The following NALF1 variants were observed in gnomAD, a reference collection of about 807,000 sequenced individuals.
NALF1 encodes NALCN channel auxiliary factor 1.
A neutral mutation model predicts 48.4 loss-of-function variants in NALF1; 3 were observed. That is an observed-to-expected ratio of 0.06 (90% confidence interval 0.03 to 0.16). The LOEUF is 0.16. Ranked by LOEUF, NALF1 falls within the 10% of genes least tolerant of loss-of-function variation. The probability of loss-of-function intolerance (pLI) is 1.00; values close to 1 mark genes in which losing one functional copy is unlikely to be tolerated. For synonymous variants in NALF1, 262 were observed against 245.7 expected, an observed-to-expected ratio of 1.07 and a Z score of -0.62; for missense variants, 526 against 571.5, an observed-to-expected ratio of 0.92 and a Z score of 0.81.
At chr13:107,492,293 C>A (rs1216910547) in intron 1 of NALF1, among the ~76,000 whole-genome samples, 1 of 151,976 alleles carries the variant, frequency 6.6e-6, no homozygotes, top group African/African-American at 2.4e-5. Flanking sequence ...AGGTGATCAG[C>A]CCGCTTCGGC....
intron 1 of NALF1, among the ~76,000 whole-genome samples, chr13:107,558,904 G>A (rs1300506957): frequency 6.6e-6 from 1 of 152,154 alleles, no homozygotes; most frequent in East Asian, 1.9e-4. Context: ...AATGCTCCCA[G>A]TTCTTAGACT....
In NALF1 at chr13:107,563,761, T is replaced by C. The variant is rs9555372; in HGVS notation, c.915+301921A>G. On this transcript the variant is annotated intron_variant, in intron 1 of 2. Transcript: ENST00000375915. ...TCACTGGCAGCAGCACCAGCTGTTATGTAATTTTGTTATAAAGCTATTTCC... is the reference window on the plus strand; with the variant it reads ...TCACTGGCAGCAGCACCAGCTGTTACGTAATTTTGTTATAAAGCTATTTCC... Among the ~76,000 whole-genome samples, 3,793 of 152,322 alleles carry C rather than the reference T, an allele frequency of 0.025. 400 individuals carry two copies. In the East Asian group the frequency reaches 0.37, roughly 15 times the overall value.
chr13:107,218,284 T>C (rs1218200094), intron 1 of NALF1, among the ~76,000 whole-genome samples: 2 of 152,234 alleles, frequency 1.3e-5, no homozygotes, highest in Non-Finnish European at 2.9e-5. Context: ...GTACATGTGA[T>C]GCTGTCTTCT....
Position 107,853,664 on chromosome 13 carries a change from C to A in NALF1, c.915+12018G>T, listed in dbSNP as rs188963719. The stretch of plus-strand genomic sequence containing the variant: ...AAAATTTAAACTAATAAATTTAATT[C>A]TAAATGTACAATTAAGGATTTAAGA... On this transcript the variant is annotated intron_variant, in intron 1 of 2. Coordinates refer to ENST00000375915, the MANE Select transcript of NALF1 (RefSeq NM_001080396.3). Among the ~76,000 whole-genome samples, 15 of 152,232 alleles carry A rather than the reference C, an allele frequency of 9.9e-5. No homozygotes were observed. In the East Asian group the frequency reaches 2.9e-3, roughly 29 times the overall value.
intron 1 of NALF1, among the ~76,000 whole-genome samples, chr13:107,660,436 A>C (rs867614647): frequency 0.019 from 1,768 of 93,664 alleles, 13 homozygotes; most frequent in South Asian, 0.029. Context: ...CTGTCTCAAA[A>C]ACACACACAC....
intron 2 of NALF1, among the ~76,000 whole-genome samples, chr13:107,180,749 A>G (rs1358228648): frequency 2.0e-5 from 3 of 151,732 alleles, no homozygotes; most frequent in African/African-American, 7.2e-5. Flanking sequence ...TACATCTGGC[A>G]TGTTTATTAT....
intron 1 of NALF1, among the ~76,000 whole-genome samples, chr13:107,340,471 C>T (rs143719557): frequency 0.29 from 21,141 of 72,684 alleles, 2,419 homozygotes; most frequent in East Asian, 0.34. Flanking sequence ...TCTTTCTTCT[C>T]TCTTTCTTTC....
chr13:107,322,691 C>A (rs1361128828), intron 1 of NALF1, among the ~76,000 whole-genome samples: 2 of 152,160 alleles, frequency 1.3e-5, no homozygotes, highest in Non-Finnish European at 2.9e-5. Flanking sequence ...TACATACTTT[C>A]TCTCTCCTCA....
intron 1 of NALF1, among the ~76,000 whole-genome samples, chr13:107,545,677 G>A (rs529761458): frequency 3.3e-5 from 5 of 152,128 alleles, no homozygotes; most frequent in East Asian, 3.9e-4. Context: ...GAAGCAAGAC[G>A]TACGACGCAT....
chr13:107,230,170 CT>C (rs1446919238), intron 1 of NALF1, among the ~76,000 whole-genome samples: 1 of 152,050 alleles, frequency 6.6e-6, no homozygotes, highest in Non-Finnish European at 1.5e-5. Context: ...AGTACATTAA[CT>C]TTATTAAGTT....
chr13:107,716,318 AC>A (rs1875816792), intron 1 of NALF1, among the ~76,000 whole-genome samples: 1 of 152,206 alleles, frequency 6.6e-6, no homozygotes, highest in Non-Finnish European at 1.5e-5. Context: ...TGTAAAATTC[AC>A]CCAGGGAAAA....
chr13:107,390,643 T>C (rs1883610027), intron 1 of NALF1, among the ~76,000 whole-genome samples: 1 of 152,032 alleles, frequency 6.6e-6, no homozygotes, highest in Non-Finnish European at 1.5e-5. Flanking sequence ...AAAGTTTTAC[T>C]TGAGGCAAAG....
intron 1 of NALF1, among the ~76,000 whole-genome samples, chr13:107,710,385 GAGACC>G (rs71204837): frequency 0.078 from 11,920 of 152,056 alleles, 533 homozygotes; most frequent in South Asian, 0.14. Context: ...GAATCCCCAG[GAGACC>G]AGGTGTTCTG....
At chr13:107,477,982 A>T (rs1468530850) in intron 1 of NALF1, among the ~76,000 whole-genome samples, 1 of 151,916 alleles carries the variant, frequency 6.6e-6, no homozygotes, top group African/African-American at 2.4e-5. Context: ...TGTCACAGAA[A>T]GTGTATGATT....
At chr13:107,393,616 A>G (rs766465419) in intron 1 of NALF1, among the ~76,000 whole-genome samples, 3 of 152,196 alleles carry the variant, frequency 2.0e-5, no homozygotes, top group Non-Finnish European at 4.4e-5. Context: ...ATAGAAATGA[A>G]AAGACGGAGA....
intron 1 of NALF1, among the ~76,000 whole-genome samples, chr13:107,414,215 T>C (rs943496191): frequency 2.6e-5 from 4 of 152,068 alleles, no homozygotes; most frequent in African/African-American, 4.8e-5. Flanking sequence ...CATATATATA[T>C]AGAACTTTTA....
intron 1 of NALF1, among the ~76,000 whole-genome samples, chr13:107,339,125 C>G (rs576574031): frequency 1.3e-3 from 154 of 114,214 alleles, no homozygotes; most frequent in Non-Finnish European, 1.9e-3. Context: ...CAGAGGGAGA[C>G]TCTGTCTCAG....
chr13:107,834,701 A>G (rs1418621114), intron 1 of NALF1, among the ~76,000 whole-genome samples: 1 of 152,248 alleles, frequency 6.6e-6, no homozygotes, highest in African/African-American at 2.4e-5. Flanking sequence ...TAGATGATAA[A>G]GAACGTTCTC....
At chr13:107,244,682 G>A (rs1185155838) in intron 1 of NALF1, among the ~76,000 whole-genome samples, 1 of 152,142 alleles carries the variant, frequency 6.6e-6, no homozygotes, top group Non-Finnish European at 1.5e-5. Context: ...GATGAAAACA[G>A]TATCTCTCTA....
Sources: gnomAD v4.1 joint callset for allele counts (sites outside exome capture counted in the v4.1 genomes callset) on GRCh38, gnomAD v4.1.1 for gene constraint, MANE v1.5 for transcripts, NCBI Gene and HGNC (gene_info 2026-07-23, HGNC 2026-07-21) for gene names.